Variants in UCK2 observed in about 807,000 individuals in gnomAD.
UCK2 encodes uridine-cytidine kinase 2.
UCK2 carries 6 observed loss-of-function variants against 30.8 expected under a neutral mutation model. The observed-to-expected ratio is 0.19, with a 90% CI of 0.11 to 0.38. The LOEUF is 0.38. UCK2 is among the 10% of genes least tolerant of loss of function. The pLI, the probability that UCK2 is intolerant of heterozygous loss-of-function variation, is 1.00. For missense variants in UCK2, 210 were observed against 339.8 expected, an observed-to-expected ratio of 0.62 and a Z score of 3.00; for synonymous variants, 125 against 133.6, an observed-to-expected ratio of 0.94 and a Z score of 0.45.
chr1:165,891,129 T>C (rs550824954), intron 2 of UCK2, 97 bp from the exon 3 acceptor site: 8 of 1,051,510 alleles, frequency 7.6e-6, no homozygotes, highest in Non-Finnish European at 1.1e-5. Flanking sequence ...TAAAGTGTGA[T>C]GTGCCCATAT....
intron 3 of UCK2, among the ~76,000 whole-genome samples, chr1:165,892,498 T>G (rs928946705): frequency 6.6e-6 from 1 of 152,206 alleles, no homozygotes; most frequent in Non-Finnish European, 1.5e-5. Context: ...TTGCAAAGTT[T>G]CCCTGTCTCA....
chr1:165,858,816 A>T (rs1270618271), intron 1 of UCK2, among the ~76,000 whole-genome samples: 1 of 152,196 alleles, frequency 6.6e-6, no homozygotes, highest in African/African-American at 2.4e-5. Flanking sequence ...CTGATGGGGC[A>T]AGGGTGACAG....
chr1:165,874,939 G>A (rs559105702), intron 1 of UCK2, among the ~76,000 whole-genome samples: 1 of 151,474 alleles, frequency 6.6e-6, no homozygotes, highest in South Asian at 2.1e-4. Flanking sequence ...ATTGTGTAGT[G>A]TGGTTTAATA....
rs1361840416 is a variant in UCK2 at position 165,907,889 on chromosome 1, A to G, written c.*66A>G. ...GAGGAGGGGTCAGGAGGCACTGCTC[A>G]TCTGTACATACTGTTTCCTATGACA... is the stretch of plus-strand genomic sequence containing the variant. On this transcript the variant is annotated 3_prime_UTR_variant, in exon 7 of 7. Transcript: ENST00000367879. 1.3e-6 allele frequency: 2 copies of G among 1,581,440 alleles called. No homozygotes were observed. The highest frequency in any genetic ancestry group is 1.7e-4 in the Middle Eastern group (1 of 5,904).
chr1:165,866,271 A>T (rs1408586709), intron 1 of UCK2, among the ~76,000 whole-genome samples: 1 of 152,216 alleles, frequency 6.6e-6, no homozygotes, highest in Non-Finnish European at 1.5e-5. Flanking sequence ...TATAACTGTG[A>T]AAATGGCTGT....
chr1:165,866,200 CAGTT>C (rs545829008), intron 1 of UCK2, among the ~76,000 whole-genome samples: 1 of 152,154 alleles, frequency 6.6e-6, no homozygotes, highest in Non-Finnish European at 1.5e-5. Context: ...TTGAAGTTGA[CAGTT>C]AGTAATGCAA....
rs571874626 is a variant in UCK2, at chr1:165,883,278, G to C, written c.100-6926G>C. ...GGAAGGAATGTCAAAAGAGGGAACA[G>C]TTGCATAGTCATGAGGAACTGCAAA... On this transcript the variant is annotated intron_variant, in intron 1 of 6. Transcript: ENST00000367879. Among the ~76,000 whole-genome samples, 3 of 152,324 alleles carry C rather than the reference G, an allele frequency of 2.0e-5. No individual in the cohort carries two copies. The South Asian group carries it at 6.2e-4, about 32-fold the overall frequency.
intron 1 of UCK2, among the ~76,000 whole-genome samples, chr1:165,885,589 T>C (rs928600906): frequency 1.3e-5 from 2 of 152,188 alleles, no homozygotes; most frequent in Admixed American, 6.5e-5. Flanking sequence ...ATTCACTAAA[T>C]ATAGAGATAT....
chr1:165,860,920 C>T (rs1654880232), intron 1 of UCK2, among the ~76,000 whole-genome samples: 1 of 152,104 alleles, frequency 6.6e-6, no homozygotes, highest in South Asian at 2.1e-4. Flanking sequence ...ATACTTGAAA[C>T]TGCTTTGTTG....
intron 1 of UCK2, among the ~76,000 whole-genome samples, chr1:165,841,523 T>C (rs1273656251): frequency 6.6e-6 from 1 of 152,168 alleles, no homozygotes; most frequent in Non-Finnish European, 1.5e-5. Flanking sequence ...AATTGCAGTT[T>C]TTGAAGCTTC....
intron 1 of UCK2, among the ~76,000 whole-genome samples, chr1:165,887,351 C>T (rs1394814753): frequency 3.3e-5 from 5 of 152,172 alleles, no homozygotes; most frequent in Non-Finnish European, 4.4e-5. Context: ...ATTGCACCTA[C>T]TGTATGTTCA....
At chr1:165,860,594 G>T (rs535943442) in intron 1 of UCK2, among the ~76,000 whole-genome samples, 16 of 152,124 alleles carry the variant, frequency 1.1e-4, no homozygotes, top group African/African-American at 3.9e-4. Context: ...GACTACAGGT[G>T]CACACCACCA....
Position 165,907,770 on chromosome 1 carries a change from T to C in UCK2, c.733T>C (p.Tyr245His). The C allele has an allele frequency of 6.2e-7, 1 of 1,614,104 alleles. No individual in the cohort carries two copies. The highest frequency in any genetic ancestry group is 8.5e-7 in the Non-Finnish European group (1 of 1,180,030). ...GCAGACCAATGGCTGTCTCAACGGC[T>C]ACACCCCTTCACGCAAGAGGCAGGC... ...KRQTNGCLNG[Y>H]TPSRKRQASE... Residue 245 changes from tyrosine to histidine, a missense_variant, in exon 7 of 7, where the codon TAC becomes CAC. Physicochemically the swap from Tyr to His is moderately conservative, Grantham distance 83 (BLOSUM62 2). Transcript: ENST00000367879.
chr1:165,829,163 T>C (rs16851240), intron 1 of UCK2, among the ~76,000 whole-genome samples: 2,093 of 152,268 alleles, frequency 0.014, 42 homozygotes, highest in African/African-American at 0.047. Flanking sequence ...GACTTCTTTA[T>C]TGATGAAGTT....
At chr1:165,878,497 AT>A (rs1350204397) in intron 1 of UCK2, among the ~76,000 whole-genome samples, 1 of 151,816 alleles carries the variant, frequency 6.6e-6, no homozygotes, top group Non-Finnish European at 1.5e-5. Flanking sequence ...TGCCCAGCTA[AT>A]TTTTGTATTT....
At chr1:165,860,750 CCA>C (rs1654875001) in intron 1 of UCK2, among the ~76,000 whole-genome samples, 1 of 152,052 alleles carries the variant, frequency 6.6e-6, no homozygotes, top group Admixed American at 6.5e-5. Context: ...GCGCCCCGCC[CCA>C]GAGTGAATTC....
At position 165,827,628 on chromosome 1, in the gene UCK2, C is replaced by G. The variant is rs1653916579; in HGVS notation, c.-206C>G. 2 of 386,834 alleles carry G rather than the reference C, an allele frequency of 5.2e-6. No homozygotes were observed. Among genetic ancestry groups the G allele is most frequent in the South Asian group, 1.3e-4 (1 of 7,976 alleles). 24.0% of individuals were successfully genotyped at this position (386,834 alleles called of 1,614,324 possible). On this transcript the variant is annotated 5_prime_UTR_variant, in exon 1 of 7. Coordinates refer to ENST00000367879, the MANE Select transcript of UCK2 (RefSeq NM_012474.5). ...CTGCCTGGGATGTAAACCGGACCAGCCGCTGCGGGCAAAGGAAGGCTCTTG... is the reference window on the plus strand; with the variant it reads ...CTGCCTGGGATGTAAACCGGACCAGGCGCTGCGGGCAAAGGAAGGCTCTTG...
chr1:165,891,840 A>T (rs1655777573), intron 3 of UCK2, among the ~76,000 whole-genome samples: 1 of 152,040 alleles, frequency 6.6e-6, no homozygotes, highest in Admixed American at 6.5e-5. Context: ...CCTCAATTTT[A>T]GTGCTCCTGA....
At chr1:165,872,498 G>T (rs1368581590) in intron 1 of UCK2, among the ~76,000 whole-genome samples, 1 of 152,206 alleles carries the variant, frequency 6.6e-6, no homozygotes, top group East Asian at 1.9e-4. Flanking sequence ...ATTGTTGATG[G>T]TGGGGGCTAG....
Sources: gnomAD v4.1 joint callset for allele counts (sites outside exome capture counted in the v4.1 genomes callset) on GRCh38, gnomAD v4.1.1 for gene constraint, MANE v1.5 for transcripts, NCBI Gene and HGNC (gene_info 2026-07-23, HGNC 2026-07-21) for gene names.